Variants in DPP10 observed in about 807,000 individuals in gnomAD.
The protein encoded by DPP10 is dipeptidyl peptidase like 10.
A neutral mutation model predicts 120.9 loss-of-function variants in DPP10; 33 were observed. The ratio of observed to expected loss-of-function variants is 0.27; its 90% CI spans 0.21 to 0.37. The LOEUF is 0.37. DPP10 is among the 10% of genes least tolerant of loss of function. DPP10 has a pLI of 1.00. For synonymous variants in DPP10, 337 were observed against 326.1 expected, an observed-to-expected ratio of 1.03 and a Z score of -0.36; for missense variants, 816 against 942.8, an observed-to-expected ratio of 0.87 and a Z score of 1.76.
intron 1 of DPP10, among the ~76,000 whole-genome samples, chr2:114,761,816 C>T (rs1283978699): frequency 6.6e-6 from 1 of 152,144 alleles, no homozygotes; most frequent in Non-Finnish European, 1.5e-5. Context: ...TGACAATCCT[C>T]CTCCTAGGAA....
intron 1 of DPP10, among the ~76,000 whole-genome samples, chr2:114,971,486 C>T (rs1699391418): frequency 6.6e-6 from 1 of 152,024 alleles, no homozygotes; most frequent in Non-Finnish European, 1.5e-5. Flanking sequence ...AGAGCTCTAG[C>T]TTTATATGTA....
rs889625618 is a variant in DPP10 at position 114,792,190 on chromosome 2, C to G, written c.60+349352C>G. Among the ~76,000 whole-genome samples the G allele has an allele frequency of 2.0e-5, 3 of 152,054 alleles. No individual in the cohort carries two copies. In the East Asian group the frequency reaches 5.8e-4, roughly 29 times the overall value. ...TATTATGAATAAATAAACAGAAAAT[C>G]TTTAAGATAGTGCATCGGTGTGGGA... On this transcript the variant is annotated intron_variant, in intron 1 of 25. Transcript: ENST00000410059.
intron 3 of DPP10, among the ~76,000 whole-genome samples, chr2:115,425,438 T>G (rs2104721497): frequency 6.6e-6 from 1 of 152,314 alleles, no homozygotes; most frequent in South Asian, 2.1e-4. Flanking sequence ...AATTCTAAGG[T>G]ACTTACCTTT....
intron 1 of DPP10, among the ~76,000 whole-genome samples, chr2:114,492,826 C>T (rs984026083): frequency 6.6e-6 from 1 of 152,142 alleles, no homozygotes; most frequent in Non-Finnish European, 1.5e-5. Context: ...GAAATAGTGT[C>T]ATCTCTTAAG....
At chr2:115,380,033 T>C (rs2066177992) in intron 3 of DPP10, among the ~76,000 whole-genome samples, 1 of 152,134 alleles carries the variant, frequency 6.6e-6, no homozygotes, top group Non-Finnish European at 1.5e-5. Context: ...ATTCTGTTCA[T>C]TTGGGGTGGA....
intron 1 of DPP10, among the ~76,000 whole-genome samples, chr2:114,937,471 A>G (rs1260571802): frequency 2.0e-5 from 3 of 152,196 alleles, no homozygotes; most frequent in African/African-American, 7.2e-5. Context: ...GACTGTCATC[A>G]GGGCCAGACT....
At chr2:115,549,942 TCC>T (rs2079771054) in intron 5 of DPP10, among the ~76,000 whole-genome samples, 1 of 152,138 alleles carries the variant, frequency 6.6e-6, no homozygotes, top group South Asian at 2.1e-4. Context: ...ATGCCCTTTT[TCC>T]CACATCACAC....
chr2:114,533,673 G>C (rs1465101533), intron 1 of DPP10, among the ~76,000 whole-genome samples: 1 of 152,094 alleles, frequency 6.6e-6, no homozygotes, highest in East Asian at 1.9e-4. Context: ...TTTGAATCTT[G>C]AATGTTTGAA....
intron 1 of DPP10, among the ~76,000 whole-genome samples, chr2:114,723,857 G>A (rs1701868128): frequency 1.3e-5 from 2 of 152,024 alleles, no homozygotes; most frequent in South Asian, 4.2e-4. Context: ...AATTGTTAAT[G>A]ACTAAATCAA....
intron 1 of DPP10, among the ~76,000 whole-genome samples, chr2:114,891,935 G>A (rs779320169): frequency 5.5e-5 from 8 of 145,788 alleles, no homozygotes; most frequent in Admixed American, 1.4e-4. Flanking sequence ...TGCTGAGGAT[G>A]TCTGTCTGTC....
intron 21 of DPP10, among the ~76,000 whole-genome samples, chr2:115,820,431 C>CTTTTTTTTTTTTTTTT (rs981405979): frequency 7.2e-6 from 1 of 138,644 alleles, no homozygotes; most frequent in African/African-American, 2.6e-5. Flanking sequence ...ATTTTTTTTT[C>CTTTTTTTTTTTTTTTT]TTTTTTTTTT....
intron 1 of DPP10, among the ~76,000 whole-genome samples, chr2:114,830,382 T>C (rs1686990166): frequency 1.3e-5 from 2 of 152,214 alleles, no homozygotes; most frequent in Non-Finnish European, 2.9e-5. Flanking sequence ...TTCAAGTTTT[T>C]TCCTTGCCTG....
chr2:114,559,024 A>C (rs1184048118), intron 1 of DPP10, among the ~76,000 whole-genome samples: 1 of 152,172 alleles, frequency 6.6e-6, no homozygotes, highest in Admixed American at 6.6e-5. Context: ...CCATGTCGAC[A>C]TACGTGTCCA....
At chr2:114,609,459 G>A (rs555519351) in intron 1 of DPP10, among the ~76,000 whole-genome samples, 1 of 152,204 alleles carries the variant, frequency 6.6e-6, no homozygotes, top group East Asian at 1.9e-4. Flanking sequence ...GGGGTGGGGT[G>A]GTCCCAGCGG....
chr2:115,460,371 G>A, intron 3 of DPP10, among the ~76,000 whole-genome samples: 1 of 152,020 alleles, frequency 6.6e-6, no homozygotes, highest in South Asian at 2.1e-4. Flanking sequence ...TTATCTATTT[G>A]AACTCAAGTA....
chr2:115,260,601 T>C (rs2059209577), intron 1 of DPP10, among the ~76,000 whole-genome samples: 1 of 152,228 alleles, frequency 6.6e-6, no homozygotes, highest in Admixed American at 6.5e-5. Flanking sequence ...GTTACTCTTA[T>C]TCATGAATAT....
At chr2:114,779,960 C>G (rs995398989) in intron 1 of DPP10, among the ~76,000 whole-genome samples, 1 of 151,996 alleles carries the variant, frequency 6.6e-6, no homozygotes, top group Non-Finnish European at 1.5e-5. Context: ...CATGGTGAAA[C>G]CCCATCTCTA....
intron 16 of DPP10, among the ~76,000 whole-genome samples, chr2:115,781,866 G>T (rs1039243426): frequency 6.6e-6 from 1 of 151,918 alleles, no homozygotes; most frequent in Non-Finnish European, 1.5e-5. Flanking sequence ...GAAGATTATG[G>T]TTAACGTATT....
At chr2:114,525,525 C>G (rs1685427564) in intron 1 of DPP10, among the ~76,000 whole-genome samples, 1 of 152,166 alleles carries the variant, frequency 6.6e-6, no homozygotes, top group Admixed American at 6.5e-5. Flanking sequence ...AACAACCACT[C>G]TATAAGATAT....
Sources: gnomAD v4.1 joint callset for allele counts (sites outside exome capture counted in the v4.1 genomes callset) on GRCh38, gnomAD v4.1.1 for gene constraint, MANE v1.5 for transcripts, NCBI Gene and HGNC (gene_info 2026-07-23, HGNC 2026-07-21) for gene names.